Variants in MARCHF3 observed in about 807,000 individuals in gnomAD.
The protein encoded by MARCHF3 is membrane associated ring-CH-type finger 3, also known as E3 ubiquitin-protein ligase MARCHF3.
A neutral mutation model predicts 24.2 loss-of-function variants in MARCHF3; 13 were observed. The ratio of observed to expected loss-of-function variants is 0.54; its 90% CI spans 0.35 to 0.85. The LOEUF (loss-of-function observed/expected upper bound fraction) is 0.85. MARCHF3 is among the 40% of genes least tolerant of loss of function. MARCHF3 has a pLI of 0.01. For synonymous variants in MARCHF3, 144 were observed against 137.3 expected, an observed-to-expected ratio of 1.05 and a Z score of -0.34; for missense variants, 276 against 325.0, an observed-to-expected ratio of 0.85 and a Z score of 1.16.
At chr5:127,003,015 G>C (rs888760046) in intron 1 of MARCHF3, among the ~76,000 whole-genome samples, 2 of 152,028 alleles carry the variant, frequency 1.3e-5, no homozygotes, top group Admixed American at 1.3e-4. Flanking sequence ...AGTCCCAGTG[G>C]ACTAAGCAAC....
chr5:126,957,982 A>G (rs1266812720), intron 1 of MARCHF3, among the ~76,000 whole-genome samples: 1 of 152,118 alleles, frequency 6.6e-6, no homozygotes, highest in Non-Finnish European at 1.5e-5. Flanking sequence ...TTATTACTGA[A>G]TATTTTATAC....
At chr5:126,895,288 C>G (rs191007664) in intron 3 of MARCHF3, among the ~76,000 whole-genome samples, 3 of 152,276 alleles carry the variant, frequency 2.0e-5, no homozygotes, top group Admixed American at 2.0e-4. Flanking sequence ...ATTTGATCGT[C>G]TGAAGCCTTC....
intron 1 of MARCHF3, among the ~76,000 whole-genome samples, chr5:126,980,025 T>C (rs1206112657): frequency 6.6e-6 from 1 of 151,910 alleles, no homozygotes; most frequent in African/African-American, 2.4e-5. Flanking sequence ...CTGTCTCTGA[T>C]TCCAGAACTC....
At chr5:127,022,043 G>A (rs1752820658) in intron 1 of MARCHF3, among the ~76,000 whole-genome samples, 1 of 152,182 alleles carries the variant, frequency 6.6e-6, no homozygotes, top group Non-Finnish European at 1.5e-5. Context: ...TAATAAATAT[G>A]TGTGTTGCTA....
chr5:126,936,706 G>A (rs964439507), intron 1 of MARCHF3, among the ~76,000 whole-genome samples: 1 of 152,070 alleles, frequency 6.6e-6, no homozygotes, highest in Non-Finnish European at 1.5e-5. Context: ...CCTCAGGAGG[G>A]AATGCATATT....
chr5:126,899,484 T>C lies in MARCHF3; in HGVS notation c.393+15446A>G, dbSNP rs1258069413. 2.6e-5 allele frequency among the ~76,000 whole-genome samples: 4 copies of C among 152,078 alleles called. No homozygotes were observed. In the East Asian group the frequency reaches 7.7e-4, roughly 29 times the overall value. Reference sequence around the variant, plus strand: ...AAGGAGGGAAAGGTTTCTGACAATTTTGGATTAAAAGATTCCTCCTAAGGA... The same window carrying C: ...AAGGAGGGAAAGGTTTCTGACAATTCTGGATTAAAAGATTCCTCCTAAGGA... On this transcript the variant is annotated intron_variant, in intron 3 of 4. Transcript: ENST00000308660.
At chr5:127,008,560 G>A (rs1752379725) in intron 1 of MARCHF3, among the ~76,000 whole-genome samples, 1 of 152,164 alleles carries the variant, frequency 6.6e-6, no homozygotes, top group Non-Finnish European at 1.5e-5. Flanking sequence ...GATACGATGG[G>A]GTCATGTGTT....
intron 3 of MARCHF3, among the ~76,000 whole-genome samples, chr5:126,886,636 C>T (rs1347907117): frequency 6.6e-6 from 1 of 152,172 alleles, no homozygotes; most frequent in East Asian, 1.9e-4. Flanking sequence ...TAAAGGATTT[C>T]AGGACAACCC....
intron 1 of MARCHF3, among the ~76,000 whole-genome samples, chr5:126,965,420 A>G (rs1750773370): frequency 6.6e-6 from 1 of 152,138 alleles, no homozygotes; most frequent in Admixed American, 6.5e-5. Flanking sequence ...AACCACAAAA[A>G]CTGCCAAGAT....
intron 1 of MARCHF3, among the ~76,000 whole-genome samples, chr5:127,027,362 T>G (rs562412736): frequency 2.0e-4 from 30 of 152,298 alleles, no homozygotes; most frequent in African/African-American, 5.3e-4. Context: ...TGACCTCATA[T>G]AGTCTGTAGT....
At chr5:126,889,528 G>A (rs1753608907) in intron 3 of MARCHF3, among the ~76,000 whole-genome samples, 1 of 152,018 alleles carries the variant, frequency 6.6e-6, no homozygotes, top group Non-Finnish European at 1.5e-5. Flanking sequence ...AATGCACACG[G>A]AAAACAGACG....
At chr5:127,027,686 G>A (rs977628543) in intron 1 of MARCHF3, among the ~76,000 whole-genome samples, 1 of 152,254 alleles carries the variant, frequency 6.6e-6, no homozygotes, top group East Asian at 1.9e-4. Flanking sequence ...AAGACAAAAG[G>A]GGTCCATTGT....
At position 126,900,703 on chromosome 5, in the gene MARCHF3, AT is replaced by A. The variant is rs1367764047; in HGVS notation, c.393+14226del. 6.2e-3 allele frequency among the ~76,000 whole-genome samples: 879 copies of A among 142,484 alleles called. 6 individuals are homozygous for A. Among genetic ancestry groups the A allele is most frequent in the Non-Finnish European group, 7.1e-3 (461 of 64,718 alleles). 93.5% of individuals were successfully genotyped at this position (142,484 alleles called of 152,430 possible). ...GGAGATAGACCTGGATTCTTCTTTA[AT>A]TTTTTTTTTTTTTTTGAGATGGAGT... On this transcript the variant is annotated intron_variant, in intron 3 of 4. Transcript: ENST00000308660.
At position 126,971,215 on chromosome 5, in the gene MARCHF3, C is replaced by G. The variant is rs61563447; in HGVS notation, c.-56-52988G>C. Among the ~76,000 whole-genome samples the G allele has an allele frequency of 8.9e-3, 1,347 of 151,872 alleles. 20 individuals carry two copies. The highest frequency in any genetic ancestry group is 0.025 in the East Asian group (131 of 5,164). On this transcript the variant is annotated intron_variant, in intron 1 of 4. Coordinates refer to ENST00000308660, the MANE Select transcript of MARCHF3 (RefSeq NM_178450.5). ...CTGTAATCCCAGCACTTTGGGAGGC[C>G]GAGGCGGGCAGATCATGAGGTCAGG...
chr5:126,947,980 C>T (rs1028668280), intron 1 of MARCHF3, among the ~76,000 whole-genome samples: 1 of 152,102 alleles, frequency 6.6e-6, no homozygotes, highest in African/African-American at 2.4e-5. Flanking sequence ...AGGTACTCAA[C>T]TCCTGTGCCT....
intron 1 of MARCHF3, among the ~76,000 whole-genome samples, chr5:126,984,785 A>C (rs780803174): frequency 4.6e-5 from 7 of 152,238 alleles, no homozygotes; most frequent in Non-Finnish European, 8.8e-5. Flanking sequence ...GAGTGATAAC[A>C]GGAAATACTT....
chr5:126,929,174 T>C (rs1450360032), intron 1 of MARCHF3, among the ~76,000 whole-genome samples: 1 of 152,246 alleles, frequency 6.6e-6, no homozygotes, highest in Non-Finnish European at 1.5e-5. Flanking sequence ...TCTAGAGCCC[T>C]GTCCTAATCT....
intron 1 of MARCHF3, among the ~76,000 whole-genome samples, chr5:126,963,589 A>G (rs1481380936): frequency 6.6e-6 from 1 of 152,224 alleles, no homozygotes; most frequent in Non-Finnish European, 1.5e-5. Flanking sequence ...CTTTGAGCTA[A>G]GACAAGATTA....
intron 4 of MARCHF3, among the ~76,000 whole-genome samples, chr5:126,875,535 A>T (rs1383696230): frequency 6.6e-6 from 1 of 152,252 alleles, no homozygotes; most frequent in Non-Finnish European, 1.5e-5. Context: ...TTTCTGCCGC[A>T]GGGCAGTTTC....
Sources: gnomAD v4.1 joint callset for allele counts (sites outside exome capture counted in the v4.1 genomes callset) on GRCh38, gnomAD v4.1.1 for gene constraint, MANE v1.5 for transcripts, NCBI Gene and HGNC (gene_info 2026-07-23, HGNC 2026-07-21) for gene names.